AFF3: variants seen among roughly 807,000 people sequenced by gnomAD.
AFF3 encodes AF4/FMR2 family member 3.
A neutral mutation model predicts 129.7 loss-of-function variants in AFF3; 32 were observed. The observed-to-expected ratio is 0.25, with a 90% CI of 0.19 to 0.33. The LOEUF is 0.33. Ranked by LOEUF, AFF3 falls within the 10% of genes least tolerant of loss-of-function variation. AFF3 has a pLI of 1.00. For synonymous variants in AFF3, 644 were observed against 635.4 expected (o/e 1.01, Z -0.20); for missense variants, 1,373 against 1,592.0 (o/e 0.86, Z 2.34).
intron 11 of AFF3, among the ~76,000 whole-genome samples, chr2:99,719,605 G>A (rs1558783513): frequency 1.3e-5 from 2 of 152,092 alleles, no homozygotes; most frequent in African/African-American, 4.8e-5. Flanking sequence ...GACCTTTTGA[G>A]TATTATAAAA....
intron 7 of AFF3, among the ~76,000 whole-genome samples, chr2:99,968,167 T>G (rs912986367): frequency 2.0e-5 from 3 of 152,192 alleles, no homozygotes; most frequent in Non-Finnish European, 2.9e-5. Flanking sequence ...TCAGTAAGAA[T>G]GAACTAGTCC....
intron 2 of AFF3, among the ~76,000 whole-genome samples, chr2:100,120,575 AAG>A (rs1691922330): frequency 6.6e-6 from 1 of 151,936 alleles, no homozygotes; most frequent in Admixed American, 6.6e-5. Context: ...TGAGGAAGGG[AAG>A]AAATTCTCCC....
At chr2:100,070,814 A>C (rs1281750116) in intron 4 of AFF3, among the ~76,000 whole-genome samples, 1 of 152,154 alleles carries the variant, frequency 6.6e-6, no homozygotes, top group Non-Finnish European at 1.5e-5. Flanking sequence ...TGTTGAATGA[A>C]GTAATTATCT....
chr2:99,904,454 C>G (rs1694568461), intron 7 of AFF3, among the ~76,000 whole-genome samples: 1 of 151,524 alleles, frequency 6.6e-6, no homozygotes, highest in South Asian at 2.1e-4. Context: ...TGCCTTGGGG[C>G]CCTTTTTGTC....
At chr2:99,648,677 C>T (rs906239088) in intron 13 of AFF3, among the ~76,000 whole-genome samples, 9 of 151,986 alleles carry the variant, frequency 5.9e-5, no homozygotes, top group Admixed American at 1.3e-4. Flanking sequence ...GAGGAAGCAC[C>T]GAGCTAAGCT....
intron 4 of AFF3, among the ~76,000 whole-genome samples, chr2:100,065,024 C>A (rs555073950): frequency 3.9e-5 from 6 of 152,218 alleles, no homozygotes; most frequent in African/African-American, 1.2e-4. Flanking sequence ...AGTTCATAGA[C>A]AAGTTAACCT....
chr2:99,928,020 TC>T (rs1460316274), intron 7 of AFF3, among the ~76,000 whole-genome samples: 2 of 151,984 alleles, frequency 1.3e-5, no homozygotes. Flanking sequence ...ACACAAGCTC[TC>T]TCTCTGCCTG....
intron 8 of AFF3, among the ~76,000 whole-genome samples, chr2:99,788,610 A>G (rs1429616471): frequency 1.3e-5 from 2 of 152,252 alleles, no homozygotes; most frequent in African/African-American, 4.8e-5. Context: ...TGTATAAAGT[A>G]AAAAGGTTAC....
chr2:99,612,583 G>A (rs1681039800), intron 13 of AFF3, among the ~76,000 whole-genome samples: 1 of 152,240 alleles, frequency 6.6e-6, no homozygotes, highest in African/African-American at 2.4e-5. Context: ...TATCTGTGAG[G>A]TAATGGGCTT....
chr2:99,679,564 C>T (rs1433054392), intron 11 of AFF3, among the ~76,000 whole-genome samples: 1 of 152,160 alleles, frequency 6.6e-6, no homozygotes, highest in Non-Finnish European at 1.5e-5. Flanking sequence ...AATCAGTCAA[C>T]TGTCTTTCCC....
At chr2:99,839,794 T>G (rs1023738229) in intron 7 of AFF3, among the ~76,000 whole-genome samples, 1 of 151,936 alleles carries the variant, frequency 6.6e-6, no homozygotes, top group Non-Finnish European at 1.5e-5. Flanking sequence ...TTATTTTTAG[T>G]AGAGTTGGGG....
chr2:99,618,133 T>C (rs971579136), intron 13 of AFF3, among the ~76,000 whole-genome samples: 1 of 152,022 alleles, frequency 6.6e-6, no homozygotes, highest in African/African-American at 2.4e-5. Context: ...TCTCTGAGCC[T>C]TGGCTACCTC....
At chr2:100,115,376 C>T (rs1040354576) in intron 2 of AFF3, among the ~76,000 whole-genome samples, 6 of 152,078 alleles carry the variant, frequency 3.9e-5, no homozygotes, top group South Asian at 2.1e-4. Flanking sequence ...GGTGAAACCT[C>T]GTTTCTACTA....
At chr2:100,081,206 T>C (rs561731026) in intron 4 of AFF3, among the ~76,000 whole-genome samples, 19 of 152,270 alleles carry the variant, frequency 1.2e-4, no homozygotes, top group African/African-American at 3.6e-4. Context: ...ACTTCACCAC[T>C]ATGCAATATA....
chr2:99,922,209 C>T (rs1398629371), intron 7 of AFF3, among the ~76,000 whole-genome samples: 2 of 152,170 alleles, frequency 1.3e-5, no homozygotes, highest in Non-Finnish European at 2.9e-5. Flanking sequence ...TAACCCAGCA[C>T]TTTCACTCCT....
At chr2:99,813,440 T>C (rs1026727210) in intron 8 of AFF3, among the ~76,000 whole-genome samples, 2 of 151,778 alleles carry the variant, frequency 1.3e-5, no homozygotes, top group Admixed American at 1.3e-4. Context: ...GACTAGGTCT[T>C]AATAAGAATT....
At chr2:99,732,798 A>C (rs1037723169) in intron 10 of AFF3, among the ~76,000 whole-genome samples, 1 of 151,890 alleles carries the variant, frequency 6.6e-6, no homozygotes, top group African/African-American at 2.4e-5. Context: ...CCAAATTAAC[A>C]CTCCCCAGAC....
At chr2:99,619,864 C>A (rs545800615) in intron 13 of AFF3, among the ~76,000 whole-genome samples, 1 of 152,156 alleles carries the variant, frequency 6.6e-6, no homozygotes, top group African/African-American at 2.4e-5. Flanking sequence ...CATGACTAAG[C>A]CAGTTCCACA....
chr2:100,113,327 C>T (rs1691591938), intron 2 of AFF3, among the ~76,000 whole-genome samples: 1 of 152,218 alleles, frequency 6.6e-6, no homozygotes, highest in African/African-American at 2.4e-5. Context: ...CATCTTAATG[C>T]ACTTACTCAT....
Sources: gnomAD v4.1 joint callset for allele counts (sites outside exome capture counted in the v4.1 genomes callset) on GRCh38, gnomAD v4.1.1 for gene constraint, MANE v1.5 for transcripts, NCBI Gene and HGNC (gene_info 2026-07-23, HGNC 2026-07-21) for gene names.